CFAP77: variants seen among roughly 807,000 people sequenced by gnomAD.
The protein encoded by CFAP77 is cilia and flagella associated protein 77.
Under a neutral mutation model 31.1 loss-of-function variants are expected in CFAP77, and 25 were observed. The ratio of observed to expected loss-of-function variants is 0.80; its 90% confidence interval spans 0.59 to 1.12. The LOEUF (loss-of-function observed/expected upper bound fraction) is 1.12, where lower values mean the gene tolerates loss of function less well. Among genes scored for constraint, CFAP77 ranks in the 50% most tolerant of loss-of-function variants. The pLI is 0.00. For synonymous variants in CFAP77, 151 were observed against 159.9 expected, an observed-to-expected ratio of 0.94 and a Z score of 0.42; for missense variants, 377 against 397.3, an observed-to-expected ratio of 0.95 and a Z score of 0.44.
intron 5 of CFAP77, among the ~76,000 whole-genome samples, chr9:132,560,441 A>G (rs1365459645): frequency 2.6e-5 from 4 of 152,210 alleles, no homozygotes; most frequent in African/African-American, 9.6e-5. Flanking sequence ...GTGTTACCCA[A>G]TTATTTTGCT....
chr9:132,512,135 C>T (rs924683444), intron 3 of CFAP77, among the ~76,000 whole-genome samples: 3 of 152,152 alleles, frequency 2.0e-5, no homozygotes, highest in Non-Finnish European at 4.4e-5. Context: ...GGCAGGGCCA[C>T]GCTCCCTCTG....
intron 1 of CFAP77, among the ~76,000 whole-genome samples, chr9:132,475,735 C>T (rs1851337933): frequency 6.6e-6 from 1 of 152,200 alleles, no homozygotes; most frequent in Admixed American, 6.5e-5. Context: ...TCTCCTAGTT[C>T]AGACTCTTGT....
At chr9:132,562,668 G>A (rs1829830420) in intron 5 of CFAP77, among the ~76,000 whole-genome samples, 1 of 151,936 alleles carries the variant, frequency 6.6e-6, no homozygotes, top group Non-Finnish European at 1.5e-5. Flanking sequence ...GGGCCATTGA[G>A]CACTTGTTTT....
chr9:132,448,066 T>A (rs2131709651), intron 1 of CFAP77, among the ~76,000 whole-genome samples: 1 of 152,314 alleles, frequency 6.6e-6, no homozygotes, highest in East Asian at 1.9e-4. Flanking sequence ...GTTCTCAAGG[T>A]AATACTGGTC....
rs148079659 is a variant in CFAP77, at chr9:132,425,995, A to C, written c.195+15529A>C. On this transcript the variant is annotated intron_variant, in intron 1 of 5. Transcript: ENST00000393216. ...GGTCATTATACCATTGAAAATCTAC[A>C]TGAAAGTGACTTGTTCAATTGTTAC... Among the ~76,000 whole-genome samples the C allele has an allele frequency of 3.3e-5, 5 of 152,330 alleles. No homozygotes were observed. The East Asian group carries it at 5.8e-4, about 18-fold the overall frequency.
chr9:132,550,203 C>T (rs1852802176), intron 5 of CFAP77, among the ~76,000 whole-genome samples: 1 of 152,238 alleles, frequency 6.6e-6, no homozygotes, highest in African/African-American at 2.4e-5. Context: ...CTTCCAGCTC[C>T]AGAGGCTTTT....
intron 1 of CFAP77, among the ~76,000 whole-genome samples, chr9:132,426,838 A>G (rs1273226710): frequency 6.6e-6 from 1 of 152,206 alleles, no homozygotes; most frequent in Non-Finnish European, 1.5e-5. Flanking sequence ...TTAAAACTCC[A>G]TTAGGCATCG....
chr9:132,464,631 A>G (rs1490980929), intron 1 of CFAP77, among the ~76,000 whole-genome samples: 1 of 152,226 alleles, frequency 6.6e-6, no homozygotes, highest in African/African-American at 2.4e-5. Flanking sequence ...CCCGTTTTCC[A>G]TTCCTTTTTT....
Position 132,570,223 on chromosome 9 carries a change from C to T in CFAP77, c.733-2165C>T, listed in dbSNP as rs557466717. Among the ~76,000 whole-genome samples, 21 of 152,306 alleles carry T rather than the reference C, an allele frequency of 1.4e-4. No homozygotes were observed. The South Asian group carries it at 1.9e-3, about 14-fold the overall frequency. ...TTGTGAGGCTACTTGGACATTTTTC[C>T]GAAACATTGAGATTGAGCTGAGGGC... is the stretch of plus-strand genomic sequence containing the variant. On this transcript the variant is annotated intron_variant, in intron 5 of 5. Coordinates refer to ENST00000393216, the MANE Select transcript of CFAP77 (RefSeq NM_001282957.2).
chr9:132,482,175 CTT>C (rs146324230), intron 1 of CFAP77: 8,932 of 594,472 alleles, frequency 0.015, 187 homozygotes, highest in East Asian at 0.067. Flanking sequence ...CCTTTTCTCT[CTT>C]TCTTTCTTTC....
Position 132,572,752 on chromosome 9 carries a change from C to T in CFAP77, c.*242C>T, listed in dbSNP as rs1829977477. Reference sequence around the variant, plus strand: ...GGAGCCTCCTCCTCTCCTCCTCCTTCTCCTCCTAGGGCAGGCTCACCCTGC... The same window carrying T: ...GGAGCCTCCTCCTCTCCTCCTCCTTTTCCTCCTAGGGCAGGCTCACCCTGC... On this transcript the variant is annotated 3_prime_UTR_variant, in exon 6 of 6. Transcript: ENST00000393216. 5.7e-6 allele frequency: 3 copies of T among 530,136 alleles called. No homozygotes were observed. The highest frequency in any genetic ancestry group is 3.3e-6 in the Non-Finnish European group (1 of 301,516). 32.8% of individuals were successfully genotyped at this position (530,136 alleles called of 1,614,324 possible).
At chr9:132,430,354 C>G (rs1448883738) in intron 1 of CFAP77, among the ~76,000 whole-genome samples, 3 of 152,014 alleles carry the variant, frequency 2.0e-5, no homozygotes, top group African/African-American at 7.2e-5. Flanking sequence ...CCTCATTTTT[C>G]CTTCCTAAGA....
intron 1 of CFAP77, among the ~76,000 whole-genome samples, chr9:132,496,646 T>G (rs1851747787): frequency 6.6e-6 from 1 of 152,202 alleles, no homozygotes; most frequent in Non-Finnish European, 1.5e-5. Context: ...ACTCTATCCA[T>G]GCTACCGCGG....
chr9:132,572,238 A>T (rs1159324156), intron 5 of CFAP77, 150 bp from the exon 6 acceptor site: 1 of 972,396 alleles, frequency 1.0e-6, no homozygotes, highest in Non-Finnish European at 1.5e-6. Context: ...CAGCACCAGG[A>T]GGCTCACAGC....
At chr9:132,522,153 G>A (rs1057077555) in intron 3 of CFAP77, among the ~76,000 whole-genome samples, 1 of 152,186 alleles carries the variant, frequency 6.6e-6, no homozygotes, top group African/African-American at 2.4e-5. Flanking sequence ...GACAAAGGAC[G>A]GTGTCTGGGA....
At chr9:132,466,325 G>A (rs1263887720) in intron 1 of CFAP77, among the ~76,000 whole-genome samples, 2 of 152,114 alleles carry the variant, frequency 1.3e-5, no homozygotes, top group African/African-American at 4.8e-5. Flanking sequence ...GACCCATCCC[G>A]GGATGCCTTT....
At position 132,490,744 on chromosome 9, in the gene CFAP77, A is replaced by G. The variant is rs1851639421; in HGVS notation, c.196-7951A>G. ...TCTTTTCCTGATTACCCTTCCCCCAACGCAGTCAAGACAGCTGTCCTGGGT... is the reference window on the plus strand; with the variant it reads ...TCTTTTCCTGATTACCCTTCCCCCAGCGCAGTCAAGACAGCTGTCCTGGGT... On this transcript the variant is annotated intron_variant, in intron 1 of 5. Transcript: ENST00000393216. This position sits in a 1 kb window ranked among gnomAD's most constrained non-coding sequence, Gnocchi z 4.6. 6.6e-6 allele frequency among the ~76,000 whole-genome samples: 1 copy of G among 152,134 alleles called. No individual in the cohort carries two copies. Among genetic ancestry groups the G allele is most frequent in the East Asian group, 1.9e-4 (1 of 5,176 alleles).
At chr9:132,471,115 G>A (rs932349883) in intron 1 of CFAP77, among the ~76,000 whole-genome samples, 1 of 152,172 alleles carries the variant, frequency 6.6e-6, no homozygotes, top group Non-Finnish European at 1.5e-5. Context: ...CTGCCTGATG[G>A]GTGAGTTGGC....
chr9:132,442,816 ACAGGTGTGAGC>A (rs1850635099), intron 1 of CFAP77, among the ~76,000 whole-genome samples: 1 of 152,156 alleles, frequency 6.6e-6, no homozygotes, highest in South Asian at 2.1e-4. Context: ...TGCTGGGATT[ACAGGTGTGAGC>A]CACCACACAC....
Sources: gnomAD v4.1 joint callset for allele counts (sites outside exome capture counted in the v4.1 genomes callset) on GRCh38, gnomAD v4.1.1 for gene constraint, Gnocchi (gnomAD v3.1) non-coding constraint, MANE v1.5 for transcripts, NCBI Gene and HGNC (gene_info 2026-07-23, HGNC 2026-07-21) for gene names.